The following MUC17 variants were observed in gnomAD, a reference collection of about 807,000 sequenced individuals.
MUC17 encodes the protein mucin-17.
MUC17 carries 190 observed loss-of-function variants against 170.3 expected under a neutral mutation model. That is an observed-to-expected ratio of 1.12 (90% CI 0.99 to 1.26). MUC17 has a LOEUF of 1.26. Ranked by LOEUF, MUC17 falls within the 50% of genes most tolerant of loss-of-function variation. The pLI, the probability that MUC17 is intolerant of heterozygous loss-of-function variation, is 0.00. For synonymous variants in MUC17, 2,325 were observed against 2,002.5 expected (o/e 1.16, Z -4.30); for missense variants, 6,415 against 5,530.0 (o/e 1.16, Z -5.08).
chr7:101,033,673 C>G lies in MUC17; in HGVS notation c.2257C>G (p.Pro753Ala). ...AGGAAGCACTCCATTAACAAGTATG[C>G]CTGTCAGCAAAACGCTGTTGACCAG... is the stretch of plus-strand genomic sequence containing the variant. ...SEGSTPLTSM[P>A]VSKTLLTSSE... Residue 753 changes from proline to alanine, a missense_variant, in exon 3 of 13, where the codon CCT becomes GCT. Physicochemically the swap from Pro to Ala is conservative, Grantham distance 27. Coordinates refer to ENST00000306151, the MANE Select transcript of MUC17 (RefSeq NM_001040105.2). 6.2e-7 allele frequency: 1 copy of G among 1,613,064 alleles called. No homozygotes were observed. Among genetic ancestry groups the G allele is most frequent in the Non-Finnish European group, 8.5e-7 (1 of 1,179,568 alleles).
rs1230395733 is a variant in MUC17 at position 101,032,072 on chromosome 7, C to T, written c.656C>T (p.Thr219Ile). Residue 219 changes from threonine (T) to isoleucine (I), a missense_variant, in exon 3 of 13, where the codon ACA becomes ATA. Coordinates refer to ENST00000306151, the MANE Select transcript of MUC17 (RefSeq NM_001040105.2). ...STNSEGSTPLTSMPASTMKVA... is the reference protein window; with the variant it reads ...STNSEGSTPLISMPASTMKVA... ...AACAGTGAAGGAAGCACTCCATTAA[C>T]AAGTATGCCTGCCAGCACCATGAAG... The T allele has an allele frequency of 1.2e-6, 2 of 1,614,188 alleles. No homozygotes were observed. The highest frequency in any genetic ancestry group is 3.3e-5 in the Admixed American group (2 of 60,026).
In MUC17 at chr7:101,041,453, CT is replaced by C; in HGVS notation, c.10040del (p.Phe3347SerfsTer55). On this transcript the variant is annotated frameshift_variant, in exon 3 of 13. Transcript: ENST00000306151. LOFTEE classifies it high-confidence loss of function. ...SEGSTPLTNM[S>X]FSTTPVVSSE... ...GGAAGCACTCCACTAACAAATATGT[CT>C]TTCAGCACCACGCCAGTGGTCAGTT... is the stretch of plus-strand genomic sequence containing the variant. 1.2e-6 allele frequency: 2 copies of C among 1,614,144 alleles called. No individual in the cohort carries two copies. The highest frequency in any genetic ancestry group is 1.7e-6 in the Non-Finnish European group (2 of 1,180,008).
chr7:101,039,442 A>G lies in MUC17; in HGVS notation c.8026A>G (p.Thr2676Ala). 2 of 1,610,602 alleles carry G rather than the reference A, an allele frequency of 1.2e-6. No homozygotes were observed. The highest frequency in any genetic ancestry group is 1.7e-6 in the Non-Finnish European group (2 of 1,178,716). Residue 2676 changes from threonine to alanine, a missense_variant, in exon 3 of 13, where the codon ACT becomes GCT. By Grantham distance (58) the Thr-to-Ala change is moderately conservative (BLOSUM62 0). Transcript: ENST00000306151. ...TSTGTSSSPT[T>A]AEGSSMPTST... ...CACTGGAACCAGTTCATCTCCTACA[A>G]CTGCTGAAGGTAGCAGCATGCCAAC...
intron 4 of MUC17, 27 bp downstream of exon 4, chr7:101,048,142 ACC>A (rs971143608): frequency 6.5e-7 from 1 of 1,531,898 alleles, no homozygotes; most frequent in African/African-American, 1.4e-5. Context: ...GCCTTCCCCC[ACC>A]CCATGCCCTG....
rs942601509 is a variant in MUC17, at chr7:101,043,502, C to T, written c.12086C>T (p.Ser4029Phe). 1 of 1,614,224 alleles carries T rather than the reference C, an allele frequency of 6.2e-7. No individual in the cohort carries two copies. Among genetic ancestry groups the T allele is most frequent in the South Asian group, 1.1e-5 (1 of 91,084 alleles). Residue 4029 changes from serine (S) to phenylalanine (F), a missense_variant, in exon 3 of 13, where the codon TCT becomes TTT. Physicochemically the swap from Ser to Phe is radical, Grantham distance 155 (BLOSUM62 -2). Transcript: ENST00000306151. ...TGCACTACTTCTGCATCAACGCTTT[C>T]TGCAACCAGTACACCTCACACCTCT... ...RGCTTSASTLSATSTPHTSTS... is the reference protein window; with the variant it reads ...RGCTTSASTLFATSTPHTSTS...
chr7:101,020,615 C>G (rs140266320), intron 1 of MUC17, among the ~76,000 whole-genome samples: 72 of 152,250 alleles, frequency 4.7e-4, no homozygotes, highest in Admixed American at 1.8e-3. Flanking sequence ...TGAATGTTCC[C>G]GCCAAGTCCC....
chr7:101,033,737 CA>C lies in MUC17; in HGVS notation c.2323del (p.Ser775AlafsTer34), dbSNP rs757040207. On this transcript the variant is annotated frameshift_variant, in exon 3 of 13. Coordinates refer to ENST00000306151, the MANE Select transcript of MUC17 (RefSeq NM_001040105.2). LOFTEE classifies it high-confidence loss of function. The part of the protein sequence containing the change: ...ASTLSTTPLD[T>X]STHITTSTEA... ...ACCCTTTCAACAACTCCTCTTGACA[CA>C]AGCACACATATCACCACTTCTACTG... 3.1e-6 allele frequency: 5 copies of C among 1,613,736 alleles called. No individual in the cohort carries two copies. The highest frequency in any genetic ancestry group is 2.7e-5 in the African/African-American group (2 of 74,888).
Position 101,039,389 on chromosome 7 carries a change from T to A in MUC17, c.7973T>A (p.Val2658Asp). 6.2e-7 allele frequency: 1 copy of A among 1,611,734 alleles called. No homozygotes were observed. The highest frequency in any genetic ancestry group is 8.5e-7 in the Non-Finnish European group (1 of 1,179,090). ...GCTAGCACCCTTTCAACAACTCCTG[T>A]TGACACCAGGACACTTGTGACCACT... is the stretch of plus-strand genomic sequence containing the variant. ...SEASTLSTTP[V>D]DTRTLVTTST... The change falls in exon 3 of 13, where the codon GTT (valine) becomes GAT (aspartate). Residue 2658 changes from valine (V) to aspartate (D), a missense_variant. Transcript: ENST00000306151.
Position 101,038,735 on chromosome 7 carries a change from C to T in MUC17, c.7319C>T (p.Thr2440Ile). Residue 2440 changes from threonine to isoleucine, a missense_variant, in exon 3 of 13, where the codon ACT (threonine) becomes ATT (isoleucine). Physicochemically the swap from Thr to Ile is moderately conservative, Grantham distance 89. Transcript: ENST00000306151. ...TSTEASSSPTTAEGTSIPTSP... is the reference protein window; with the variant it reads ...TSTEASSSPTIAEGTSIPTSP... ...ACTGAAGCCAGTTCATCTCCTACAA[C>T]TGCTGAAGGTACCAGCATACCAACC... 6.2e-7 allele frequency: 1 copy of T among 1,613,164 alleles called. No homozygotes were observed. The highest frequency in any genetic ancestry group is 8.5e-7 in the Non-Finnish European group (1 of 1,179,268).
At position 101,039,488 on chromosome 7, in the gene MUC17, G is replaced by A. The variant is rs761662597; in HGVS notation, c.8072G>A (p.Ser2691Asn). Residue 2691 changes from serine to asparagine, a missense_variant, in exon 3 of 13, where the codon AGC (serine) becomes AAC (asparagine). Transcript: ENST00000306151. ...CCAACCTCAACTCCTGGTGAAAGAA[G>A]CACTCCATTAACAAATATACTTGTC... The part of the protein sequence containing the change: ...SMPTSTPGER[S>N]TPLTNILVST... The A allele has an allele frequency of 1.9e-5, 31 of 1,610,994 alleles. No individual in the cohort carries two copies. The highest frequency in any genetic ancestry group is 2.5e-5 in the Non-Finnish European group (29 of 1,178,788).
chr7:101,027,583 A>G (rs2116395617), intron 1 of MUC17, among the ~76,000 whole-genome samples: 2 of 152,132 alleles, frequency 1.3e-5, no homozygotes, highest in East Asian at 3.9e-4. Flanking sequence ...AGTTTTCTTC[A>G]TGTGTCTTGT....
At chr7:101,030,893 A>G (rs762520964) in intron 1 of MUC17, among the ~76,000 whole-genome samples, 10 of 152,192 alleles carry the variant, frequency 6.6e-5, no homozygotes, top group Non-Finnish European at 1.5e-4. Flanking sequence ...TGCCACCTGC[A>G]CAATTTGACA....
Position 101,057,995 on chromosome 7 carries a change from C to T in MUC17, c.13441-8C>T. On this transcript the variant is annotated splice_polypyrimidine_tract_variant and splice_region_variant and intron_variant, in intron 12 of 12. Transcript: ENST00000306151. Reference sequence around the variant, plus strand: ...TGAGCCCTCACTTGGTTTTATCTCTCTTTTCAGATCCGAATTCAGAGGCCT... The same window carrying T: ...TGAGCCCTCACTTGGTTTTATCTCTTTTTTCAGATCCGAATTCAGAGGCCT... The T allele has an allele frequency of 1.2e-6, 2 of 1,613,818 alleles. No homozygotes were observed. Among genetic ancestry groups the T allele is most frequent in the Non-Finnish European group, 1.7e-6 (2 of 1,179,778 alleles).
rs745709640 is a variant in MUC17, at chr7:101,031,867, A to G, written c.451A>G (p.Thr151Ala). The change falls in exon 3 of 13, where the codon ACA (threonine) becomes GCA (alanine). Residue 151 changes from threonine (T) to alanine (A), a missense_variant. Physicochemically the swap from Thr to Ala is moderately conservative, Grantham distance 58. Coordinates refer to ENST00000306151, the MANE Select transcript of MUC17 (RefSeq NM_001040105.2). ...TPEGTDVPMS[T>A]PSEESISSTM... is the part of the protein sequence containing the mutation. ...TGAAGGCACCGACGTGCCCATGTCA[A>G]CACCAAGTGAAGAAAGCATTTCATC... The G allele has an allele frequency of 6.2e-7, 1 of 1,614,212 alleles. No homozygotes were observed.
At position 101,032,210 on chromosome 7, in the gene MUC17, T is replaced by C. The variant is rs371532269; in HGVS notation, c.794T>C (p.Leu265Pro). The C allele has an allele frequency of 2.9e-5, 47 of 1,614,086 alleles. No individual in the cohort carries two copies. Among genetic ancestry groups the C allele is most frequent in the Non-Finnish European group, 3.6e-5 (43 of 1,180,024 alleles). Residue 265 changes from leucine (L) to proline (P), a missense_variant, in exon 3 of 13, where the codon CTG becomes CCG. Physicochemically the swap from Leu to Pro is moderately conservative, Grantham distance 98. Transcript: ENST00000306151. ...CCTACAACTGCTGAAGGTCCCAGCC[T>C]GTCAAACTCAGCTCCTAGTGGAGGA... The part of the protein sequence containing the change: ...SSPTTAEGPS[L>P]SNSAPSGGST...
Position 101,042,736 on chromosome 7 carries a change from C to T in MUC17, c.11320C>T (p.Pro3774Ser), listed in dbSNP as rs771529320. ...TACGAGGTTTCCTGAGAGTAGCACC[C>T]CTTCCATACCATCTGTTTACACCAG... ...PVTRFPESST[P>S]SIPSVYTSMS... Residue 3774 changes from proline to serine, a missense_variant, in exon 3 of 13, where the codon CCT (proline) becomes TCT (serine). Pro to Ser is a moderately conservative substitution (Grantham distance 74). Transcript: ENST00000306151. The T allele has an allele frequency of 1.2e-6, 2 of 1,613,870 alleles. No homozygotes were observed. The highest frequency in any genetic ancestry group is 1.7e-5 in the Admixed American group (1 of 60,026).
In MUC17 at chr7:101,035,372, C is replaced by T. The variant is rs144372503; in HGVS notation, c.3956C>T (p.Pro1319Leu). ...VVTSNEVSSSPTPAEGTSMPT... is the reference protein window; with the variant it reads ...VVTSNEVSSSLTPAEGTSMPT... ...ACTTCTAATGAAGTCAGTTCATCTC[C>T]TACACCTGCTGAAGGTACCAGCATG... The change falls in exon 3 of 13, where the codon CCT (proline) becomes CTT (leucine). Residue 1319 changes from proline (P) to leucine (L), a missense_variant. Physicochemically the swap from Pro to Leu is moderately conservative, Grantham distance 98. Transcript: ENST00000306151. 234 of 1,611,128 alleles carry T rather than the reference C, an allele frequency of 1.5e-4. No homozygotes were observed. Among genetic ancestry groups the T allele is most frequent in the African/African-American group, 1.4e-3 (108 of 74,776 alleles).
At position 101,039,414 on chromosome 7, in the gene MUC17, T is replaced by C. The variant is rs1348127099; in HGVS notation, c.7998T>C (p.Thr2666=). ...TTGACACCAGGACACTTGTGACCAC[T>C]TCCACTGGAACCAGTTCATCTCCTA... The part of the protein sequence containing the change: ...TPVDTRTLVT[T]STGTSSSPTT... The change falls in exon 3 of 13, where the codon ACT becomes ACC. Residue 2666 remains threonine, a synonymous_variant. Coordinates refer to ENST00000306151, the MANE Select transcript of MUC17 (RefSeq NM_001040105.2). 1 of 1,611,994 alleles carries C rather than the reference T, an allele frequency of 6.2e-7. No homozygotes were observed. Among genetic ancestry groups the C allele is most frequent in the Non-Finnish European group, 8.5e-7 (1 of 1,179,340 alleles).
At chr7:101,030,065 C>T (rs1321113242) in intron 1 of MUC17, among the ~76,000 whole-genome samples, 2 of 152,088 alleles carry the variant, frequency 1.3e-5, no homozygotes, top group Non-Finnish European at 2.9e-5. Flanking sequence ...AAAACTTTCC[C>T]ACACATAGAT....
Sources: gnomAD v4.1 joint callset for allele counts (sites outside exome capture counted in the v4.1 genomes callset) on GRCh38, gnomAD v4.1.1 for gene constraint, MANE v1.5 for transcripts, NCBI Gene and HGNC (gene_info 2026-07-23, HGNC 2026-07-21) for gene names.